The following LANCL3 variants were observed in gnomAD, a reference collection of about 807,000 sequenced individuals.
LANCL3 encodes the protein lanC-like protein 3.
In LANCL3, 19 loss-of-function variants were observed where a neutral mutation model predicts 26.5. The observed-to-expected ratio is 0.72, with a 90% CI of 0.50 to 1.05. LANCL3 has a LOEUF of 1.05. Ranked by LOEUF, LANCL3 falls within the 50% of genes least tolerant of loss-of-function variation. The probability of loss-of-function intolerance (pLI) is 0.00; values close to 1 mark genes in which losing one functional copy is unlikely to be tolerated. For missense variants in LANCL3, 318 were observed against 362.7 expected (o/e 0.88, Z 1.00); for synonymous variants, 160 against 166.6 (o/e 0.96, Z 0.30).
chrX:37,628,814 A>C (rs1925392983), intron 1 of LANCL3, among the ~76,000 whole-genome samples: 1 of 109,910 alleles, frequency 9.1e-6, no homozygotes, highest in South Asian at 4.0e-4. Flanking sequence ...TCCATGGTGT[A>C]TATGTACCAC....
intron 1 of LANCL3, among the ~76,000 whole-genome samples, chrX:37,596,904 A>G (rs191272024): frequency 3.1e-4 from 35 of 112,013 alleles, no homozygotes; most frequent in Non-Finnish European, 2.1e-4. Flanking sequence ...GGGTTGTACA[A>G]CCATTACCAC....
At chrX:37,646,382 T>A (rs141599093) in intron 1 of LANCL3, among the ~76,000 whole-genome samples, 1,711 of 112,360 alleles carry the variant, frequency 0.015, 38 homozygotes, top group African/African-American at 0.052. Context: ...CAAGTTTCTG[T>A]CTTCTCAATA....
chrX:37,633,502 G>A (rs1308184984), intron 1 of LANCL3, among the ~76,000 whole-genome samples: 9 of 111,369 alleles, frequency 8.1e-5, no homozygotes, highest in East Asian at 2.8e-4. Flanking sequence ...GAGGAGAGGC[G>A]CTCTGCTTTT....
intron 1 of LANCL3, among the ~76,000 whole-genome samples, chrX:37,634,063 C>T (rs1368915641): frequency 8.9e-6 from 1 of 112,702 alleles, no homozygotes; most frequent in Non-Finnish European, 1.9e-5. Flanking sequence ...AGGCAGGCCT[C>T]CTTGAGCTGT....
At chrX:37,652,078 A>G (rs1200645520) in intron 1 of LANCL3, among the ~76,000 whole-genome samples, 4 of 108,275 alleles carry the variant, frequency 3.7e-5, no homozygotes, top group African/African-American at 1.4e-4. Flanking sequence ...GAGGAATTTG[A>G]TTGGCATTGT....
intron 1 of LANCL3, among the ~76,000 whole-genome samples, chrX:37,624,510 C>A (rs782150204): frequency 7.2e-5 from 8 of 111,182 alleles, no homozygotes; most frequent in African/African-American, 9.8e-5. Flanking sequence ...TCTACTGTAA[C>A]TTTTATGATT....
intron 1 of LANCL3, among the ~76,000 whole-genome samples, chrX:37,603,901 C>G (rs1924637850): frequency 8.9e-6 from 1 of 112,343 alleles, no homozygotes; most frequent in Non-Finnish European, 1.9e-5. Flanking sequence ...ATGGGCAGCT[C>G]TGCTATTATT....
chrX:37,667,594 C>A, intron 4 of LANCL3, 105 bp downstream of exon 4: 1 of 595,366 alleles, frequency 1.7e-6, no homozygotes, highest in Non-Finnish European at 2.4e-6. Context: ...AAAATAAATA[C>A]ATCAACTGTG....
At chrX:37,652,429 G>T (rs1014027843) in intron 1 of LANCL3, among the ~76,000 whole-genome samples, 7 of 111,712 alleles carry the variant, frequency 6.3e-5, no homozygotes, top group Non-Finnish European at 1.3e-4. Flanking sequence ...AAACCAATAG[G>T]AATATTTCAC....
chrX:37,575,021 G>A (rs1820498355), intron 1 of LANCL3, among the ~76,000 whole-genome samples: 1 of 109,120 alleles, frequency 9.2e-6, no homozygotes, highest in Admixed American at 9.8e-5. Flanking sequence ...GACCTCCTGG[G>A]CTCAGGCGAT....
intron 1 of LANCL3, among the ~76,000 whole-genome samples, chrX:37,583,172 C>T (rs1466204412): frequency 1.4e-4 from 16 of 111,557 alleles, no homozygotes; most frequent in African/African-American, 5.2e-4. Flanking sequence ...TTCCATTGAT[C>T]GATATCTCTG....
At chrX:37,671,693 T>A (rs1229166308) in intron 4 of LANCL3, among the ~76,000 whole-genome samples, 1 of 111,752 alleles carries the variant, frequency 8.9e-6, no homozygotes. Flanking sequence ...GTATATCTCC[T>A]AGCTCCCCCA....
At chrX:37,626,948 G>C (rs1172807715) in intron 1 of LANCL3, among the ~76,000 whole-genome samples, 1 of 112,029 alleles carries the variant, frequency 8.9e-6, no homozygotes, top group Non-Finnish European at 1.9e-5. Context: ...TAGAACATCT[G>C]TGAGTATTAT....
intron 1 of LANCL3, among the ~76,000 whole-genome samples, chrX:37,620,197 C>T (rs948963759): frequency 1.8e-5 from 2 of 111,152 alleles, no homozygotes; most frequent in Non-Finnish European, 3.8e-5. Context: ...TCTGTGTAGA[C>T]TCCTAATGTG....
intron 1 of LANCL3, among the ~76,000 whole-genome samples, chrX:37,644,810 T>G (rs1925947455): frequency 8.9e-6 from 1 of 112,653 alleles, no homozygotes; most frequent in Non-Finnish European, 1.9e-5. Flanking sequence ...CTTGACACTC[T>G]TTGTAATAAC....
Position 37,651,210 on chromosome X carries a change from G to A in LANCL3, c.574-4478G>A, listed in dbSNP as rs782603288. 1.9e-3 allele frequency among the ~76,000 whole-genome samples: 214 copies of A among 111,321 alleles called. 2 individuals are homozygous for A. Among genetic ancestry groups the A allele is most frequent in the African/African-American group, 6.6e-3 (203 of 30,575 alleles). ...AACATACATGTGCATGTGTCTTTAC[G>A]GCAGCATGATTTATAATCCTTTGGG... On this transcript the variant is annotated intron_variant, in intron 1 of 4. Transcript: ENST00000378619.
intron 1 of LANCL3, among the ~76,000 whole-genome samples, chrX:37,633,983 A>G (rs2146759331): frequency 8.9e-6 from 1 of 112,487 alleles, no homozygotes; most frequent in East Asian, 2.8e-4. Context: ...GGGACATTTA[A>G]GTCGGCAGAG....
chrX:37,675,384 G>T (rs1926772207), intron 4 of LANCL3, among the ~76,000 whole-genome samples: 2 of 112,210 alleles, frequency 1.8e-5, no homozygotes, highest in Non-Finnish European at 3.8e-5. Flanking sequence ...ATGACAGAAA[G>T]AATGAGATCC....
chrX:37,584,603 C>T (rs1384892968), intron 1 of LANCL3, among the ~76,000 whole-genome samples: 3 of 111,503 alleles, frequency 2.7e-5, no homozygotes, highest in South Asian at 3.8e-4. Context: ...AGTTTATTTG[C>T]GTAGAGGTGT....
Sources: gnomAD v4.1 joint callset for allele counts (sites outside exome capture counted in the v4.1 genomes callset) on GRCh38, gnomAD v4.1.1 for gene constraint, MANE v1.5 for transcripts, NCBI Gene and HGNC (gene_info 2026-07-23, HGNC 2026-07-21) for gene names.